CD80: variants seen among roughly 807,000 people sequenced by gnomAD.
The protein encoded by CD80 is T-lymphocyte activation antigen CD80.
CD80 carries 13 observed loss-of-function variants against 27.1 expected under a neutral mutation model. The ratio of observed to expected loss-of-function variants is 0.48; its 90% CI spans 0.31 to 0.76. CD80 has a LOEUF of 0.76. CD80 is among the 30% of genes least tolerant of loss of function. CD80 has a pLI of 0.04. For missense variants in CD80, 277 were observed against 347.9 expected (o/e 0.80, Z 1.62); for synonymous variants, 125 against 125.5 (o/e 1.00, Z 0.03).
At chr3:119,553,256 C>A (rs1389984605) in intron 2 of CD80, among the ~76,000 whole-genome samples, 1 of 151,918 alleles carries the variant, frequency 6.6e-6, no homozygotes, top group African/African-American at 2.4e-5. Flanking sequence ...TCTCCTGCCT[C>A]AGCCTCCTGA....
intron 1 of CD80, among the ~76,000 whole-genome samples, chr3:119,558,820 T>C (rs2082277919): frequency 6.6e-6 from 1 of 151,664 alleles, no homozygotes; most frequent in Non-Finnish European, 1.5e-5. Flanking sequence ...TAGGGATTAA[T>C]TTTTCCAGTA....
At chr3:119,557,530 A>G (rs66604554) in intron 2 of CD80, 99 bp downstream of exon 2, 107,164 of 698,282 alleles carry the variant, frequency 0.15, 10,398 homozygotes, top group African/African-American at 0.34. Flanking sequence ...GGTTCCTTCC[A>G]GCTTATAGGA....
chr3:119,558,495 G>T (rs2082276023), intron 1 of CD80, among the ~76,000 whole-genome samples: 1 of 152,212 alleles, frequency 6.6e-6, no homozygotes, highest in Non-Finnish European at 1.5e-5. Context: ...AGGCGTGGTG[G>T]CTCACGCCTG....
intron 1 of CD80, among the ~76,000 whole-genome samples, chr3:119,558,627 G>T (rs1192028379): frequency 6.6e-6 from 1 of 152,132 alleles, no homozygotes; most frequent in African/African-American, 2.4e-5. Context: ...GCCAGGTGTG[G>T]TGGTGGGTGC....
rs576496678 is a variant in CD80 at position 119,559,454 on chromosome 3, T to A, written c.-215A>T. On this transcript the variant is annotated 5_prime_UTR_variant, in exon 1 of 7. Coordinates refer to ENST00000264246, the MANE Select transcript of CD80 (RefSeq NM_005191.4). ...AATGTACTTACTTGCTGAAGAAAAA[T>A]TCCACTTTTTCTTTAAATCCTTTGA... 5.9e-5 allele frequency: 9 copies of A among 152,308 alleles called. No homozygotes were observed. Among genetic ancestry groups the A allele is most frequent in the African/African-American group, 2.2e-4 (9 of 41,570 alleles). 9.4% of individuals were successfully genotyped at this position (152,308 alleles called of 1,614,324 possible).
rs1472095540 is a variant in CD80 at position 119,525,082 on chromosome 3, C to G, written c.*706G>C. On this transcript the variant is annotated 3_prime_UTR_variant, in exon 7 of 7. Coordinates refer to ENST00000264246, the MANE Select transcript of CD80 (RefSeq NM_005191.4). Reference sequence around the variant, plus strand: ...GACTACTGCTTTGACGTACCTAAATCATTCGTCTTACATGTCAGAGGAAAT... The same window carrying G: ...GACTACTGCTTTGACGTACCTAAATGATTCGTCTTACATGTCAGAGGAAAT... 1 of 152,196 alleles carries G rather than the reference C, an allele frequency of 6.6e-6. No individual in the cohort carries two copies. Among genetic ancestry groups the G allele is most frequent in the African/African-American group, 2.4e-5 (1 of 41,436 alleles). 9.4% of individuals were successfully genotyped at this position (152,196 alleles called of 1,614,324 possible). A position where few individuals can be genotyped will look rare whatever the true frequency, so the allele number is the denominator to read the frequency against.
At chr3:119,556,430 C>T (rs759548853) in intron 2 of CD80, among the ~76,000 whole-genome samples, 1 of 150,268 alleles carries the variant, frequency 6.7e-6, no homozygotes, top group Non-Finnish European at 1.5e-5. Context: ...CTCCTCTGTA[C>T]TCCCCAGAAG....
chr3:119,529,970 T>C, intron 4 of CD80, 33 bp from the exon 5 acceptor site: 1 of 1,445,780 alleles, frequency 6.9e-7, no homozygotes, highest in African/African-American at 1.4e-5. Flanking sequence ...TCAGCTGTAA[T>C]GTATTTCCTA....
chr3:119,534,423 T>C (rs1296172639), intron 4 of CD80, among the ~76,000 whole-genome samples: 1 of 150,764 alleles, frequency 6.6e-6, no homozygotes, highest in Non-Finnish European at 1.5e-5. Flanking sequence ...TGTTGGAACA[T>C]AGCCATGTCA....
At position 119,546,955 on chromosome 3, in the gene CD80, G is replaced by A. The variant is rs569691179; in HGVS notation, c.101-2088C>T. 4.4e-4 allele frequency among the ~76,000 whole-genome samples: 67 copies of A among 152,290 alleles called. No individual in the cohort carries two copies. In the South Asian group the frequency reaches 0.012, roughly 26 times the overall value. Reference sequence around the variant, plus strand: ...GAGCTAAAGACAATCCATTTCATGTGACTTCAGTGGCGTGGCACAGGAATA... The same window carrying A: ...GAGCTAAAGACAATCCATTTCATGTAACTTCAGTGGCGTGGCACAGGAATA... On this transcript the variant is annotated intron_variant, in intron 2 of 6. Transcript: ENST00000264246.
At chr3:119,543,046 A>C (rs1214548019) in intron 3 of CD80, among the ~76,000 whole-genome samples, 2 of 152,098 alleles carry the variant, frequency 1.3e-5, no homozygotes, top group African/African-American at 4.8e-5. Flanking sequence ...ATCATCCCTG[A>C]CCAATCAGCA....
At chr3:119,556,529 A>G (rs966344591) in intron 2 of CD80, among the ~76,000 whole-genome samples, 2 of 152,230 alleles carry the variant, frequency 1.3e-5, no homozygotes, top group African/African-American at 4.8e-5. Context: ...AAAAAACCTG[A>G]GGTGTAAATT....
chr3:119,538,206 A>G (rs1437392197), intron 3 of CD80, among the ~76,000 whole-genome samples: 1 of 152,252 alleles, frequency 6.6e-6, no homozygotes, highest in Non-Finnish European at 1.5e-5. Flanking sequence ...TGAGGTTTAG[A>G]GAAATTATAA....
At chr3:119,526,801 T>C (rs2082069868) in intron 6 of CD80, among the ~76,000 whole-genome samples, 1 of 152,226 alleles carries the variant, frequency 6.6e-6, no homozygotes, top group African/African-American at 2.4e-5. Flanking sequence ...TTGCTTTCCT[T>C]TATTTTTAAA....
At chr3:119,559,139 C>T (rs981567571) in intron 1 of CD80, among the ~76,000 whole-genome samples, 3 of 152,198 alleles carry the variant, frequency 2.0e-5, no homozygotes, top group Admixed American at 6.5e-5. Flanking sequence ...CGAGCTCAAG[C>T]GATTTTCCCA....
At chr3:119,554,572 C>T (rs2082252250) in intron 2 of CD80, among the ~76,000 whole-genome samples, 1 of 152,170 alleles carries the variant, frequency 6.6e-6, no homozygotes, top group Admixed American at 6.5e-5. Context: ...CTGGTTCCAC[C>T]CTGTGCATGA....
intron 2 of CD80, among the ~76,000 whole-genome samples, chr3:119,549,814 A>T (rs1311177319): frequency 6.6e-6 from 1 of 152,256 alleles, no homozygotes; most frequent in Admixed American, 6.5e-5. Flanking sequence ...ATAAAAAGAC[A>T]TACTTGAAGG....
chr3:119,537,007 TGATGTTCA>T, intron 4 of CD80, 122 bp downstream of exon 4: 1 of 862,624 alleles, frequency 1.2e-6, no homozygotes, highest in South Asian at 1.6e-5. Context: ...AAATACACTC[TGATGTTCA>T]GACAATGACA....
intron 2 of CD80, among the ~76,000 whole-genome samples, chr3:119,554,776 G>A (rs935384841): frequency 6.6e-6 from 1 of 152,062 alleles, no homozygotes; most frequent in Non-Finnish European, 1.5e-5. Flanking sequence ...CTACACTCCC[G>A]TTGAGCAGTC....
Sources: gnomAD v4.1 joint callset for allele counts (sites outside exome capture counted in the v4.1 genomes callset) on GRCh38, gnomAD v4.1.1 for gene constraint, MANE v1.5 for transcripts, NCBI Gene and HGNC (gene_info 2026-07-23, HGNC 2026-07-21) for gene names.